Variants in SDK2 observed in about 807,000 individuals in gnomAD.
SDK2 encodes the protein sidekick cell adhesion molecule 2.
A neutral mutation model predicts 253.9 loss-of-function variants in SDK2; 105 were observed. The observed-to-expected ratio is 0.41, with a 90% CI of 0.35 to 0.49. SDK2 has a LOEUF of 0.49. SDK2 is among the 20% of genes least tolerant of loss of function. The pLI, the probability that SDK2 is intolerant of heterozygous loss-of-function variation, is 0.06. For synonymous variants in SDK2, 1,249 were observed against 1,234.9 expected, an observed-to-expected ratio of 1.01 and a Z score of -0.24; for missense variants, 2,608 against 3,003.0, an observed-to-expected ratio of 0.87 and a Z score of 3.07.
rs1390004331 is a variant in SDK2 at position 73,352,841 on chromosome 17, C to T, written c.5594-204G>A. 6.6e-6 allele frequency among the ~76,000 whole-genome samples: 1 copy of T among 152,190 alleles called. No individual in the cohort carries two copies. Among genetic ancestry groups the T allele is most frequent in the Admixed American group, 6.5e-5 (1 of 15,276 alleles). The stretch of plus-strand genomic sequence containing the variant: ...GCACGGTGGCTCATGCCTGTAATTC[C>T]AGCACTTTGAGAGGCCGAGGTGGGT... On this transcript the variant is annotated intron_variant, in intron 40 of 44. Transcript: ENST00000392650. This position sits in a 1 kb window ranked among gnomAD's most constrained non-coding sequence, Gnocchi z 4.1.
chr17:73,457,430 A>G (rs2063536860), intron 3 of SDK2, among the ~76,000 whole-genome samples: 1 of 150,640 alleles, frequency 6.6e-6, no homozygotes, highest in South Asian at 2.1e-4. Flanking sequence ...GGCTCACTGC[A>G]ACCTCTGCCT....
At position 73,429,440 on chromosome 17, in the gene SDK2, G is replaced by A. The variant is rs145336086; in HGVS notation, c.1583+1071C>T. 2.0e-3 allele frequency among the ~76,000 whole-genome samples: 302 copies of A among 152,330 alleles called. 1 individual carries two copies. The highest frequency in any genetic ancestry group is 3.6e-3 in the Non-Finnish European group (248 of 68,036). On this transcript the variant is annotated intron_variant, in intron 12 of 44. Coordinates refer to ENST00000392650, the MANE Select transcript of SDK2 (RefSeq NM_001144952.2). ...ATGAGGTGTTTCTCAAACTGGGGCC[G>A]CTGATATGTTCTCTGAGAATCAGTG...
rs964210139 is a variant in SDK2 at position 73,383,015 on chromosome 17, C to T, written c.4705+861G>A. On this transcript the variant is annotated intron_variant, in intron 33 of 44. Transcript: ENST00000392650. This position sits in a 1 kb window ranked among gnomAD's most constrained non-coding sequence, Gnocchi z 4.3. ...TTACACTCCAGCCTGGGCAACAGAG[C>T]GAGACTCTGTCTAAAAAAACCCAAA... is the stretch of plus-strand genomic sequence containing the variant. 3.3e-5 allele frequency among the ~76,000 whole-genome samples: 5 copies of T among 152,134 alleles called. No individual in the cohort carries two copies. The highest frequency in any genetic ancestry group is 7.2e-5 in the African/African-American group (3 of 41,430).
intron 1 of SDK2, among the ~76,000 whole-genome samples, chr17:73,522,144 G>C (rs1421734274): frequency 6.8e-6 from 1 of 146,066 alleles, no homozygotes. Context: ...CACAAGGCCG[G>C]TGTCATCAAA....
In SDK2 at chr17:73,570,622, G is replaced by A. The variant is rs2045371915; in HGVS notation, c.65-63025C>T. Among the ~76,000 whole-genome samples, 3 of 152,184 alleles carry A rather than the reference G, an allele frequency of 2.0e-5. No individual in the cohort carries two copies. Among genetic ancestry groups the A allele is most frequent in the Admixed American group, 6.5e-5 (1 of 15,286 alleles). ...CACTGAACACCACCATCAGCTCACCGCCATCTCGCAGCCACCCACAAAGGG... is the reference window on the plus strand; with the variant it reads ...CACTGAACACCACCATCAGCTCACCACCATCTCGCAGCCACCCACAAAGGG... On this transcript the variant is annotated intron_variant, in intron 1 of 44. Coordinates refer to ENST00000392650, the MANE Select transcript of SDK2 (RefSeq NM_001144952.2). The surrounding 1 kb of genome is among the most constrained non-coding windows in gnomAD (Gnocchi z 4.2).
intron 1 of SDK2, among the ~76,000 whole-genome samples, chr17:73,516,406 C>A (rs1467719309): frequency 6.6e-6 from 1 of 152,222 alleles, no homozygotes; most frequent in Non-Finnish European, 1.5e-5. Context: ...GACTCTCTAG[C>A]TGCCTGATAA....
At chr17:73,580,802 G>C (rs9914897) in intron 1 of SDK2, among the ~76,000 whole-genome samples, 5,874 of 152,274 alleles carry the variant, frequency 0.039, 201 homozygotes, top group African/African-American at 0.093. Context: ...AAATATTTGC[G>C]TTATATACTT....
intron 2 of SDK2, among the ~76,000 whole-genome samples, chr17:73,475,668 T>C (rs531771338): frequency 6.6e-6 from 1 of 152,148 alleles, no homozygotes; most frequent in East Asian, 1.9e-4. Flanking sequence ...ACACAGAGCA[T>C]GGAAAGAAAG....
chr17:73,416,088 C>G (rs529798504), intron 16 of SDK2, 96 bp from the exon 17 acceptor site: 11 of 1,166,958 alleles, frequency 9.4e-6, no homozygotes, highest in Middle Eastern at 2.7e-4. Context: ...AATAGGACTT[C>G]CGGTGGTGGC....
At chr17:73,546,543 C>T (rs1329203586) in intron 1 of SDK2, among the ~76,000 whole-genome samples, 1 of 152,234 alleles carries the variant, frequency 6.6e-6, no homozygotes. Flanking sequence ...ACAGGCCACA[C>T]TGCCTCCTCT....
intron 8 of SDK2, among the ~76,000 whole-genome samples, chr17:73,436,745 C>T (rs1197989698): frequency 6.6e-6 from 1 of 152,098 alleles, no homozygotes; most frequent in Non-Finnish European, 1.5e-5. Context: ...CCACCATGCG[C>T]TCTCTTTCCC....
rs893229884 is a variant in SDK2 at position 73,643,579 on chromosome 17, G to A, written c.64+446C>T. On this transcript the variant is annotated intron_variant, in intron 1 of 44. Coordinates refer to ENST00000392650, the MANE Select transcript of SDK2 (RefSeq NM_001144952.2). This position sits in a 1 kb window ranked among gnomAD's most constrained non-coding sequence, Gnocchi z 6.9. ...CTCGCCCACCCCACTCCCTCGCCCC[G>A]GGGAGGCCATCGCCTGCCCGGCAGG... is the stretch of plus-strand genomic sequence containing the variant. Among the ~76,000 whole-genome samples the A allele has an allele frequency of 6.6e-6, 1 of 151,894 alleles. No individual in the cohort carries two copies. Among genetic ancestry groups the A allele is most frequent in the Non-Finnish European group, 1.5e-5 (1 of 67,946 alleles).
intron 33 of SDK2, among the ~76,000 whole-genome samples, chr17:73,381,659 TCACCTGAGGTCAGGAGTTCGAGAC>T (rs1464504542): frequency 8.6e-5 from 13 of 151,586 alleles, no homozygotes; most frequent in South Asian, 2.1e-4. Context: ...GGTGGGTGGA[TCACCTGAGGTCAGGAGTTCGAGAC>T]CACCTGAGGT....
At chr17:73,404,608 A>G (rs2063055803) in intron 18 of SDK2, among the ~76,000 whole-genome samples, 1 of 152,178 alleles carries the variant, frequency 6.6e-6, no homozygotes, top group African/African-American at 2.4e-5. Context: ...CAGTTTGTGG[A>G]CCCTGAGACC....
intron 9 of SDK2, 127 bp from the exon 10 acceptor site, chr17:73,433,975 T>C (rs938671219): frequency 1.7e-5 from 11 of 635,272 alleles, no homozygotes; most frequent in Admixed American, 1.6e-4. Flanking sequence ...TGAGGGGCCC[T>C]CCACGAGGAA....
rs369710171 is a variant in SDK2, at chr17:73,639,089, C to T, written c.64+4936G>A. 3.6e-4 allele frequency among the ~76,000 whole-genome samples: 55 copies of T among 152,260 alleles called. No homozygotes were observed. Among genetic ancestry groups the T allele is most frequent in the African/African-American group, 1.2e-3 (51 of 41,550 alleles). On this transcript the variant is annotated intron_variant, in intron 1 of 44. Coordinates refer to ENST00000392650, the MANE Select transcript of SDK2 (RefSeq NM_001144952.2). The surrounding 1 kb of genome is among the most constrained non-coding windows in gnomAD (Gnocchi z 4.3). ...CCTCCCAAAGTGCTGGGATTACAGG[C>T]GTGAGCCACTGTGCCTGGCTGGTAG... is the stretch of plus-strand genomic sequence containing the variant.
chr17:73,593,538 C>T (rs1389588394), intron 1 of SDK2, among the ~76,000 whole-genome samples: 1 of 152,110 alleles, frequency 6.6e-6, no homozygotes, highest in Non-Finnish European at 1.5e-5. Flanking sequence ...GGACAATAGA[C>T]CCAGAGGCAG....
intron 1 of SDK2, among the ~76,000 whole-genome samples, chr17:73,623,980 C>T (rs16977715): frequency 0.035 from 5,398 of 152,250 alleles, 325 homozygotes; most frequent in African/African-American, 0.12. Flanking sequence ...GCAGGGCCTC[C>T]GGGTTGTTTT....
At chr17:73,472,493 A>G (rs1387935864) in intron 2 of SDK2, among the ~76,000 whole-genome samples, 1 of 152,068 alleles carries the variant, frequency 6.6e-6, no homozygotes, top group Admixed American at 6.5e-5. Flanking sequence ...CGAATCCTTG[A>G]CCCTGACCCT....
Sources: gnomAD v4.1 joint callset for allele counts (sites outside exome capture counted in the v4.1 genomes callset) on GRCh38, gnomAD v4.1.1 for gene constraint, Gnocchi (gnomAD v3.1) non-coding constraint, MANE v1.5 for transcripts, NCBI Gene and HGNC (gene_info 2026-07-23, HGNC 2026-07-21) for gene names.